Variants in EHBP1 observed in about 807,000 individuals in gnomAD.
EHBP1 encodes EH domain binding protein 1, also known as EH domain-binding protein 1.
A neutral mutation model predicts 144.0 loss-of-function variants in EHBP1; 55 were observed. The observed-to-expected ratio is 0.38, with a 90% confidence interval of 0.31 to 0.48. The LOEUF (loss-of-function observed/expected upper bound fraction) is 0.48, where lower values mean the gene tolerates loss of function less well. Ranked by LOEUF, EHBP1 falls within the 20% of genes least tolerant of loss-of-function variation. The pLI is 0.98. For synonymous variants in EHBP1, 469 were observed against 472.7 expected (o/e 0.99, Z 0.10); for missense variants, 1,200 against 1,364.2 (o/e 0.88, Z 1.90).
chr2:62,896,900 T>C (rs1403306310), intron 10 of EHBP1, among the ~76,000 whole-genome samples: 1 of 152,090 alleles, frequency 6.6e-6, no homozygotes, highest in Non-Finnish European at 1.5e-5. Context: ...GTCTATCTTA[T>C]TGATCCCTTC....
intron 10 of EHBP1, among the ~76,000 whole-genome samples, chr2:62,923,826 G>A (rs543555114): frequency 6.6e-6 from 1 of 152,312 alleles, no homozygotes; most frequent in Admixed American, 6.5e-5. Context: ...TACTAGGACT[G>A]CAAAACAGTC....
intron 18 of EHBP1, 53 bp downstream of exon 18, chr2:62,994,030 G>A: frequency 2.5e-6 from 3 of 1,193,534 alleles, no homozygotes; most frequent in Non-Finnish European, 2.4e-6. Flanking sequence ...CAAACTGTAT[G>A]TGGAAATAGT....
At chr2:62,782,569 T>TA (rs1040465494) in intron 5 of EHBP1, among the ~76,000 whole-genome samples, 18 of 152,160 alleles carry the variant, frequency 1.2e-4, no homozygotes, top group Non-Finnish European at 1.5e-4. Context: ...TCAGGAAACT[T>TA]ACAGTCATAG....
intron 10 of EHBP1, among the ~76,000 whole-genome samples, chr2:62,880,562 C>G (rs908270921): frequency 6.6e-6 from 1 of 151,978 alleles, no homozygotes; most frequent in African/African-American, 2.4e-5. Flanking sequence ...AAAAAACAAC[C>G]GACCAACCCC....
chr2:62,821,082 G>A (rs2045949033), intron 5 of EHBP1, among the ~76,000 whole-genome samples: 1 of 151,808 alleles, frequency 6.6e-6, no homozygotes, highest in Non-Finnish European at 1.5e-5. Context: ...ACCTGATAAA[G>A]TATTTGTATA....
At chr2:62,693,869 T>G (rs1426793147) in intron 1 of EHBP1, among the ~76,000 whole-genome samples, 1 of 152,204 alleles carries the variant, frequency 6.6e-6, no homozygotes, top group Admixed American at 6.5e-5. Context: ...GAACATGTAA[T>G]ATTTGTCTAT....
At chr2:62,856,230 C>T (rs1351063265) in intron 7 of EHBP1, among the ~76,000 whole-genome samples, 1 of 152,232 alleles carries the variant, frequency 6.6e-6, no homozygotes, top group African/African-American at 2.4e-5. Flanking sequence ...TTGCTCACCA[C>T]ATTGCAGGTG....
At chr2:62,696,824 C>A (rs1427323455) in intron 1 of EHBP1, among the ~76,000 whole-genome samples, 1 of 151,864 alleles carries the variant, frequency 6.6e-6, no homozygotes, top group Non-Finnish European at 1.5e-5. Context: ...ACCTTTTTTT[C>A]TTTTTTAACA....
At chr2:62,945,495 C>G (rs2057008075) in intron 12 of EHBP1, among the ~76,000 whole-genome samples, 1 of 152,148 alleles carries the variant, frequency 6.6e-6, no homozygotes, top group Non-Finnish European at 1.5e-5. Context: ...CAATTTTTCA[C>G]TTGTATTGCT....
chr2:62,845,031 T>A lies in EHBP1; in HGVS notation c.634+13873T>A, dbSNP rs188174037. 2.2e-3 allele frequency among the ~76,000 whole-genome samples: 337 copies of A among 152,190 alleles called. 2 individuals are homozygous for A. Among genetic ancestry groups the A allele is most frequent in the African/African-American group, 7.6e-3 (315 of 41,544 alleles). On this transcript the variant is annotated intron_variant, in intron 7 of 22. Transcript: ENST00000431489. ...TGGGTACAAAGTGACAAGATTCAGA[T>A]AGTTAGGAGCAGGGATTGCTTTGTC...
At position 62,998,644 on chromosome 2, in the gene EHBP1, C is replaced by A. The variant is rs570394179; in HGVS notation, c.3103+1878C>A. The stretch of plus-strand genomic sequence containing the variant: ...AATAGACTCAATTTCTCCTTCCTAC[C>A]CAACATATCACTAGTCAAGCTTTGA... On this transcript the variant is annotated intron_variant, in intron 19 of 22. Coordinates refer to ENST00000431489, the MANE Select transcript of EHBP1 (RefSeq NM_001142616.3). 7.2e-5 allele frequency among the ~76,000 whole-genome samples: 11 copies of A among 152,214 alleles called. No individual in the cohort carries two copies. The South Asian group carries it at 2.3e-3, about 32-fold the overall frequency.
chr2:62,765,899 C>A (rs1481177163), intron 4 of EHBP1, among the ~76,000 whole-genome samples: 2 of 152,168 alleles, frequency 1.3e-5, no homozygotes, highest in African/African-American at 4.8e-5. Context: ...TGGAAAAGCT[C>A]TTTCAACCTT....
chr2:62,873,701 T>A (rs2050663208), intron 9 of EHBP1, among the ~76,000 whole-genome samples: 1 of 152,062 alleles, frequency 6.6e-6, no homozygotes, highest in Non-Finnish European at 1.5e-5. Context: ...AAAGAGAAGA[T>A]CTTAACAACT....
chr2:63,042,405 G>A (rs1043380156), intron 21 of EHBP1, among the ~76,000 whole-genome samples: 8 of 152,010 alleles, frequency 5.3e-5, no homozygotes, highest in African/African-American at 1.4e-4. Flanking sequence ...GTTTGCTAAT[G>A]TAAAATCTAT....
At chr2:62,912,238 C>T (rs2054279209) in intron 10 of EHBP1, among the ~76,000 whole-genome samples, 1 of 152,016 alleles carries the variant, frequency 6.6e-6, no homozygotes, top group African/African-American at 2.4e-5. Context: ...TAGAATTTTT[C>T]AGTCATATAA....
At chr2:62,966,386 C>T (rs1359240895) in intron 14 of EHBP1, among the ~76,000 whole-genome samples, 1 of 152,142 alleles carries the variant, frequency 6.6e-6, no homozygotes, top group Non-Finnish European at 1.5e-5. Flanking sequence ...GTTGATTAGA[C>T]AGCTCATCTA....
At chr2:62,905,879 A>C (rs1359184190) in intron 10 of EHBP1, among the ~76,000 whole-genome samples, 1 of 152,168 alleles carries the variant, frequency 6.6e-6, no homozygotes, top group South Asian at 2.1e-4. Context: ...GAGTAAAAGC[A>C]GGAGAGAATA....
intron 3 of EHBP1, 130 bp downstream of exon 3, chr2:62,747,582 T>C: frequency 1.4e-6 from 1 of 725,894 alleles, no homozygotes; most frequent in Non-Finnish European, 2.3e-6. Context: ...CTACTGAAAA[T>C]GGATTGATCA....
chr2:63,035,880 G>A (rs770506960), intron 19 of EHBP1, among the ~76,000 whole-genome samples: 2 of 151,958 alleles, frequency 1.3e-5, no homozygotes, highest in Non-Finnish European at 2.9e-5. Context: ...CCAGTGTCAA[G>A]ACATCACATG....
Sources: gnomAD v4.1 joint callset for allele counts (sites outside exome capture counted in the v4.1 genomes callset) on GRCh38, gnomAD v4.1.1 for gene constraint, MANE v1.5 for transcripts, NCBI Gene and HGNC (gene_info 2026-07-23, HGNC 2026-07-21) for gene names.